Variants in CHD5 observed in about 807,000 individuals in gnomAD.
CHD5 encodes the protein chromodomain helicase DNA binding protein 5.
Under a neutral mutation model 230.3 loss-of-function variants are expected in CHD5, and 69 were observed. The ratio of observed to expected loss-of-function variants is 0.30; its 90% confidence interval spans 0.25 to 0.37. The LOEUF (loss-of-function observed/expected upper bound fraction) is 0.37, where lower values mean the gene tolerates loss of function less well. Among genes scored for constraint, CHD5 ranks in the 10% least tolerant of loss-of-function variants. The pLI is 1.00. For missense variants in CHD5, 1,827 were observed against 2,622.8 expected (o/e 0.70, Z 6.63); for synonymous variants, 1,064 against 1,065.9 (o/e 1.00, Z 0.03).
Position 6,125,215 on chromosome 1 carries a change from G to A in CHD5, c.4279C>T (p.Arg1427Ter), listed in dbSNP as rs749319838. 2 of 1,604,604 alleles carry A rather than the reference G, an allele frequency of 1.2e-6. No homozygotes were observed. Among genetic ancestry groups the A allele is most frequent in the South Asian group, 1.1e-5 (1 of 90,070 alleles). ...GNIEVLGFNARQRKAFLNAIM... is the reference protein window; with the variant it reads ...GNIEVLGFNA ...GCGTTCAGAAAGGCCTTCCGCTGTCGGGCATTGAAGCCCAGCACCTGGGCG... is the reference window on the plus strand; with the variant it reads ...GCGTTCAGAAAGGCCTTCCGCTGTCAGGCATTGAAGCCCAGCACCTGGGCG... The change falls in exon 29 of 42, where the codon CGA becomes TGA. Residue 1427 changes from arginine (R) to a stop codon, truncating the protein, a stop_gained. Coordinates refer to ENST00000262450, the MANE Select transcript of CHD5 (RefSeq NM_015557.3). LOFTEE classifies it high-confidence loss of function. The surrounding 1 kb of genome is among the most constrained non-coding windows in gnomAD (Gnocchi z 6.7).
Position 6,121,321 on chromosome 1 carries a change from C to T in CHD5, c.4780-84G>A, listed in dbSNP as rs1288759131. The stretch of plus-strand genomic sequence containing the variant: ...GGGGAACGTGCGCTGGGCTGGGAAC[C>T]CAGTCTCCTGGCTCCCGTCGCTTGC... On this transcript the variant is annotated intron_variant, in intron 32 of 41. Coordinates refer to ENST00000262450, the MANE Select transcript of CHD5 (RefSeq NM_015557.3). The surrounding 1 kb of genome is among the most constrained non-coding windows in gnomAD (Gnocchi z 4.5). 2.6e-6 allele frequency: 4 copies of T among 1,558,266 alleles called. No homozygotes were observed. Among genetic ancestry groups the T allele is most frequent in the Non-Finnish European group, 3.5e-6 (4 of 1,148,444 alleles).
intron 1 of CHD5, among the ~76,000 whole-genome samples, chr1:6,172,894 A>C (rs1195390235): frequency 6.6e-6 from 1 of 152,170 alleles, no homozygotes; most frequent in Non-Finnish European, 1.5e-5. Context: ...GGCACTTGGC[A>C]AACACAAGGT....
Position 6,152,508 on chromosome 1 carries a change from G to A in CHD5, c.774C>T (p.Gly258=), listed in dbSNP as rs368522980. 1 of 1,614,114 alleles carries A rather than the reference G, an allele frequency of 6.2e-7. No individual in the cohort carries two copies. The highest frequency in any genetic ancestry group is 8.5e-7 in the Non-Finnish European group (1 of 1,180,030). The change falls in exon 6 of 42, where the codon GGC becomes GGT. Residue 258 remains glycine (G), a synonymous_variant. Transcript: ENST00000262450. ...TGCCCTTTTTCTTCCCATCTTTGGAGCCTTTGATCTTCTTCCTCACTCCAG... is the reference window on the plus strand; with the variant it reads ...TGCCCTTTTTCTTCCCATCTTTGGAACCTTTGATCTTCTTCCTCACTCCAG... ...KGPGVRKKIK[G]SKDGKKKGKG...
At chr1:6,168,025 C>T in intron 2 of CHD5, 125 bp downstream of exon 2, 1 of 1,209,124 alleles carries the variant, frequency 8.3e-7, no homozygotes, top group Non-Finnish European at 1.1e-6. Context: ...TGTTTTTCAT[C>T]AAACTCAGCT....
intron 1 of CHD5, among the ~76,000 whole-genome samples, chr1:6,172,707 C>T (rs1347858594): frequency 6.6e-6 from 1 of 152,078 alleles, no homozygotes; most frequent in African/African-American, 2.4e-5. Context: ...GCCCTGGGGA[C>T]ACTGAGGTGA....
At position 6,113,052 on chromosome 1, in the gene CHD5, G is replaced by C. The variant is rs1666318300; in HGVS notation, c.4913-54C>G. On this transcript the variant is annotated intron_variant, in intron 33 of 41. Coordinates refer to ENST00000262450, the MANE Select transcript of CHD5 (RefSeq NM_015557.3). ...GGGTGGGGTCCCAGAAAACACAGAG[G>C]ACTCTGGGCTCGTGGCTTTCCACCC... 9 of 1,242,682 alleles carry C rather than the reference G, an allele frequency of 7.2e-6. No individual in the cohort carries two copies. The Admixed American group carries it at 1.5e-4, about 21-fold the overall frequency. The allele number at this position is 1,242,682 out of a possible 1,614,324, so 77.0% of individuals were successfully genotyped here.
At chr1:6,132,413 A>C (rs1463499019) in intron 20 of CHD5, among the ~76,000 whole-genome samples, 1 of 152,110 alleles carries the variant, frequency 6.6e-6, no homozygotes. Context: ...AGAGGTTCTA[A>C]CGTGTCTACG....
Position 6,149,083 on chromosome 1 carries a change from A to G in CHD5, c.1162-8T>C. The G allele has an allele frequency of 6.6e-7, 1 of 1,503,830 alleles. No individual in the cohort carries two copies. The highest frequency in any genetic ancestry group is 8.9e-7 in the Non-Finnish European group (1 of 1,123,750). 93.2% of individuals were successfully genotyped at this position (1,503,830 alleles called of 1,614,324 possible). ...CTGGATCCCCTCCTTCTCCTGGGGG[A>G]GGAGGCCAGGTGGAGGCACCCTGGG... On this transcript the variant is annotated splice_polypyrimidine_tract_variant and splice_region_variant and intron_variant, in intron 8 of 41. Coordinates refer to ENST00000262450, the MANE Select transcript of CHD5 (RefSeq NM_015557.3).
chr1:6,167,368 G>C lies in CHD5; in HGVS notation c.207+782C>G, dbSNP rs1667271752. ...GGTGCTTGCCATTGCTCTCAACATA[G>C]GGTCGCTTGGAGGATCAGAGGAGAC... On this transcript the variant is annotated intron_variant, in intron 2 of 41. Transcript: ENST00000262450. The surrounding 1 kb of genome is among the most constrained non-coding windows in gnomAD (Gnocchi z 4.5). 6.6e-6 allele frequency among the ~76,000 whole-genome samples: 1 copy of C among 152,174 alleles called. No homozygotes were observed. Among genetic ancestry groups the C allele is most frequent in the Non-Finnish European group, 1.5e-5 (1 of 68,020 alleles).
At position 6,180,035 on chromosome 1, in the gene CHD5, G is replaced by T; in HGVS notation, c.-12C>A. 7.7e-7 allele frequency: 1 copy of T among 1,302,242 alleles called. No homozygotes were observed. Among genetic ancestry groups the T allele is most frequent in the Non-Finnish European group, 9.9e-7 (1 of 1,010,082 alleles). The allele number at this position is 1,302,242 out of a possible 1,614,324, so 80.7% of individuals were successfully genotyped here. ...ACTGGGCCCCGCATGCCCGGCGCGGGGAGGAGGGGAGGTGGGCGCCCCCCC... is the reference window on the plus strand; with the variant it reads ...ACTGGGCCCCGCATGCCCGGCGCGGTGAGGAGGGGAGGTGGGCGCCCCCCC... On this transcript the variant is annotated 5_prime_UTR_variant, in exon 1 of 42. Coordinates refer to ENST00000262450, the MANE Select transcript of CHD5 (RefSeq NM_015557.3).
At chr1:6,162,394 AAAAG>A (rs1007949496) in intron 2 of CHD5, among the ~76,000 whole-genome samples, 2 of 152,008 alleles carry the variant, frequency 1.3e-5, no homozygotes, top group Non-Finnish European at 2.9e-5. Flanking sequence ...CTCAAAAAAA[AAAAG>A]AAAAGAAAAG....
In CHD5 at chr1:6,160,310, G is replaced by A. The variant is rs71629772; in HGVS notation, c.208-795C>T. 4.3e-3 allele frequency among the ~76,000 whole-genome samples: 320 copies of A among 74,180 alleles called. 5 individuals are homozygous for A. The highest frequency in any genetic ancestry group is 9.5e-3 in the East Asian group (12 of 1,260). The allele number at this position is 74,180 out of a possible 152,430, so 48.7% of individuals were successfully genotyped here. On this transcript the variant is annotated intron_variant, in intron 2 of 41. Transcript: ENST00000262450. ...AGAAGAAGAACCCCAGCCAGGGAAGGGCCCCAGCCAGGGAAGGGCCCCAGC... is the reference window on the plus strand; with the variant it reads ...AGAAGAAGAACCCCAGCCAGGGAAGAGCCCCAGCCAGGGAAGGGCCCCAGC...
At chr1:6,173,198 A>G (rs1427964356) in intron 1 of CHD5, among the ~76,000 whole-genome samples, 1 of 150,082 alleles carries the variant, frequency 6.7e-6, no homozygotes, top group Non-Finnish European at 1.5e-5. Flanking sequence ...TCCGCCTCCC[A>G]GGTTCACGCC....
Position 6,121,335 on chromosome 1 carries a change from C to A in CHD5, c.4780-98G>T. ...GGGCTGGGAACCCAGTCTCCTGGCT[C>A]CCGTCGCTTGCTCCTAGCCTGCTCC... On this transcript the variant is annotated intron_variant, in intron 32 of 41. Coordinates refer to ENST00000262450, the MANE Select transcript of CHD5 (RefSeq NM_015557.3). The surrounding 1 kb of genome is among the most constrained non-coding windows in gnomAD (Gnocchi z 4.5). 1 of 1,537,506 alleles carries A rather than the reference C, an allele frequency of 6.5e-7. No homozygotes were observed. The highest frequency in any genetic ancestry group is 1.2e-5 in the South Asian group (1 of 83,624).
At chr1:6,161,347 G>A (rs1667175101) in intron 2 of CHD5, among the ~76,000 whole-genome samples, 1 of 152,138 alleles carries the variant, frequency 6.6e-6, no homozygotes, top group Non-Finnish European at 1.5e-5. Flanking sequence ...AGGGGAGGTG[G>A]GGGCCCCCTC....
chr1:6,168,233 C>G lies in CHD5; in HGVS notation c.124G>C (p.Val42Leu). The change falls in exon 2 of 42, where the codon GTG becomes CTG. Residue 42 changes from valine to leucine, a missense_variant. Physicochemically the swap from Val to Leu is conservative, Grantham distance 32. This residue lies in a region of CHD5 where 113 missense variants were observed against 91.9 expected (regional missense o/e 1.23). Transcript: ENST00000262450. ...TTCTTAGGAAGGCTCACGGGCTCCA[C>G]AGGGAAAAAGTCATCGAAGGCTTCA... is the stretch of plus-strand genomic sequence containing the variant. ...GLEAFDDFFPVEPVSLPKKKK... is the reference protein window; with the variant it reads ...GLEAFDDFFPLEPVSLPKKKK... The G allele has an allele frequency of 6.2e-7, 1 of 1,611,130 alleles. No individual in the cohort carries two copies. Among genetic ancestry groups the G allele is most frequent in the Non-Finnish European group, 8.5e-7 (1 of 1,177,864 alleles).
chr1:6,154,964 G>A lies in CHD5; in HGVS notation c.507-66C>T, dbSNP rs1008925439. Reference sequence around the variant, plus strand: ...GAGATGAGAGGCCCACCCGACCCCCGGCAGGGCCCACCCCTCTGCCACATG... The same window carrying A: ...GAGATGAGAGGCCCACCCGACCCCCAGCAGGGCCCACCCCTCTGCCACATG... On this transcript the variant is annotated intron_variant, in intron 4 of 41. Coordinates refer to ENST00000262450, the MANE Select transcript of CHD5 (RefSeq NM_015557.3). This position sits in a 1 kb window ranked among gnomAD's most constrained non-coding sequence, Gnocchi z 7.0. The A allele has an allele frequency of 3.0e-5, 42 of 1,416,486 alleles. No individual in the cohort carries two copies. Among genetic ancestry groups the A allele is most frequent in the African/African-American group, 1.4e-4 (10 of 70,766 alleles). The allele number at this position is 1,416,486 out of a possible 1,614,324, so 87.7% of individuals were successfully genotyped here.
At chr1:6,106,158 C>CA in intron 41 of CHD5, 76 bp downstream of exon 41, 2 of 1,355,102 alleles carry the variant, frequency 1.5e-6, no homozygotes, top group Non-Finnish European at 2.1e-6. Flanking sequence ...AGTGCAGGGG[C>CA]AGGGCTGACT....
rs760975692 is a variant in CHD5, at chr1:6,167,661, C to T, written c.207+489G>A. Among the ~76,000 whole-genome samples the T allele has an allele frequency of 6.6e-6, 1 of 152,218 alleles. No homozygotes were observed. ...ATCACACCCTGCCAACCCAAGGCAGCGGAGCATGCGGCAGCCTCGCCCATC... is the reference window on the plus strand; with the variant it reads ...ATCACACCCTGCCAACCCAAGGCAGTGGAGCATGCGGCAGCCTCGCCCATC... On this transcript the variant is annotated intron_variant, in intron 2 of 41. Transcript: ENST00000262450. This position sits in a 1 kb window ranked among gnomAD's most constrained non-coding sequence, Gnocchi z 4.5.
Sources: gnomAD v4.1 joint callset for allele counts (sites outside exome capture counted in the v4.1 genomes callset) on GRCh38, gnomAD v4.1.1 for gene constraint, gnomAD v4.1.1 regional missense constraint, Gnocchi (gnomAD v3.1) non-coding constraint, MANE v1.5 for transcripts, NCBI Gene and HGNC (gene_info 2026-07-23, HGNC 2026-07-21) for gene names.